The following LBHD2 variants were observed in gnomAD, a reference collection of about 807,000 sequenced individuals.
LBHD2 encodes LBH domain containing 2.
chr14:103,086,710 T>TAA (rs35287691), intron 2 of LBHD2, among the ~76,000 whole-genome samples: 3 of 138,286 alleles, frequency 2.2e-5, no homozygotes, highest in Non-Finnish European at 4.8e-5. Context: ...CTGATGAAAC[T>TAA]AAAAAAAAAA....
intron 2 of LBHD2, 42 bp downstream of exon 2, chr14:103,086,123 C>A (rs1490038028): frequency 1.3e-5 from 5 of 398,618 alleles, no homozygotes; most frequent in Non-Finnish European, 1.8e-5. Context: ...GGGAGCAAGC[C>A]TCAAACTCTG....
chr14:103,086,159 C>G, intron 2 of LBHD2, 78 bp downstream of exon 2: 1 of 398,406 alleles, frequency 2.5e-6, no homozygotes, highest in South Asian at 1.3e-4. Context: ...CATGCCTTGC[C>G]TTGCTGCTGG....
Position 103,084,914 on chromosome 14 carries a change from T to C in LBHD2, c.-38+567T>C, listed in dbSNP as rs570532597. Among the ~76,000 whole-genome samples the C allele has an allele frequency of 2.8e-3, 429 of 152,250 alleles. 2 individuals carry two copies. The highest frequency in any genetic ancestry group is 0.01 in the African/African-American group (421 of 41,534). ...AAGAGGCTTGATGGAGGGCCGGACCTGGGAGCAGTGGGGCACTGAGACATC... is the reference window on the plus strand; with the variant it reads ...AAGAGGCTTGATGGAGGGCCGGACCCGGGAGCAGTGGGGCACTGAGACATC... On this transcript the variant is annotated intron_variant, in intron 1 of 3. Coordinates refer to ENST00000634353, the MANE Select transcript of LBHD2 (RefSeq NM_001330236.2).
At chr14:103,085,677 C>T (rs1889622919) in intron 1 of LBHD2, among the ~76,000 whole-genome samples, 1 of 152,228 alleles carries the variant, frequency 6.6e-6, no homozygotes, top group Non-Finnish European at 1.5e-5. Context: ...TCTGTCCTCC[C>T]AGCTGGCCTA....
intron 2 of LBHD2, 66 bp from the exon 3 acceptor site, chr14:103,088,019 C>T: frequency 2.5e-6 from 1 of 398,488 alleles, no homozygotes; most frequent in Non-Finnish European, 4.4e-6. Context: ...GTGTGCAGGA[C>T]AGGGGTAGGG....
chr14:103,084,644 C>G (rs1889611016), intron 1 of LBHD2, among the ~76,000 whole-genome samples: 1 of 152,206 alleles, frequency 6.6e-6, no homozygotes, highest in Non-Finnish European at 1.5e-5. Flanking sequence ...CTGGCTCAAG[C>G]TGACAGCTCT....
intron 1 of LBHD2, among the ~76,000 whole-genome samples, chr14:103,084,729 C>G (rs185734360): frequency 6.6e-6 from 1 of 152,262 alleles, no homozygotes; most frequent in African/African-American, 2.4e-5. Context: ...CTCTCTCTCT[C>G]TCTCTTCTCC....
At chr14:103,085,455 C>A (rs1031089547) in intron 1 of LBHD2, among the ~76,000 whole-genome samples, 5 of 46,934 alleles carry the variant, frequency 1.1e-4, no homozygotes, top group Non-Finnish European at 2.3e-4. Context: ...CGGCCAAGTG[C>A]AGGGGCAGGA....
intron 1 of LBHD2, 56 bp from the exon 2 acceptor site, chr14:103,085,920 G>A (rs948243924): frequency 3.3e-5 from 13 of 397,880 alleles, no homozygotes; most frequent in Middle Eastern, 6.2e-4. Flanking sequence ...TGAAGCCTTC[G>A]GGGGAGTGTG....
rs954048436 is a variant in LBHD2, at chr14:103,086,003, C to T, written c.-10C>T. On this transcript the variant is annotated 5_prime_UTR_variant, in exon 2 of 4. Coordinates refer to ENST00000634353, the MANE Select transcript of LBHD2 (RefSeq NM_001330236.2). ...CTCGTGCAGCTTAGTGGCGCAGTGG[C>T]GGCAGCAGCATGAGCACCCCCCGGC... 6.3e-5 allele frequency: 25 copies of T among 398,554 alleles called. 1 individual carries two copies. The highest frequency in any genetic ancestry group is 6.2e-4 in the Middle Eastern group (1 of 1,610). The allele number at this position is 398,554 out of a possible 1,614,324, so 24.7% of individuals were successfully genotyped here. A position where few individuals can be genotyped will look rare whatever the true frequency, so the allele number is the denominator to read the frequency against.
At chr14:103,088,473 C>G (rs545710674) in intron 3 of LBHD2, among the ~76,000 whole-genome samples, 1 of 152,274 alleles carries the variant, frequency 6.6e-6, no homozygotes. Context: ...GGTCCCTCAT[C>G]CACTCTCAGC....
At chr14:103,088,553 C>T (rs1247245336) in intron 3 of LBHD2, among the ~76,000 whole-genome samples, 1 of 152,254 alleles carries the variant, frequency 6.6e-6, no homozygotes, top group Non-Finnish European at 1.5e-5. Context: ...CTCGCCCCTC[C>T]TTATCCAGTG....
chr14:103,084,729 C>T (rs185734360), intron 1 of LBHD2, among the ~76,000 whole-genome samples: 1 of 152,144 alleles, frequency 6.6e-6, no homozygotes, highest in Non-Finnish European at 1.5e-5. Flanking sequence ...CTCTCTCTCT[C>T]TCTCTTCTCC....
At position 103,085,463 on chromosome 14, in the gene LBHD2, G is replaced by A. The variant is rs569769727; in HGVS notation, c.-37-513G>A. On this transcript the variant is annotated intron_variant, in intron 1 of 3. Coordinates refer to ENST00000634353, the MANE Select transcript of LBHD2 (RefSeq NM_001330236.2). ...GTGGGTGCGGCCAAGTGCAGGGGCAGGACTTCATTTCCCCCTGGGCTGTGG... is the reference window on the plus strand; with the variant it reads ...GTGGGTGCGGCCAAGTGCAGGGGCAAGACTTCATTTCCCCCTGGGCTGTGG... Among the ~76,000 whole-genome samples, 1,364 of 150,936 alleles carry A rather than the reference G, an allele frequency of 9.0e-3. 25 individuals carry two copies. The highest frequency in any genetic ancestry group is 0.031 in the African/African-American group (1,287 of 41,002).
rs1388853176 is a variant in LBHD2 at position 103,088,141 on chromosome 14, C to T, written c.126C>T (p.Ile42=). ...GPRLGQRLPS[I]VVEPSEADPV... ...GGCTGGGCCAGCGGCTGCCCTCAAT[C>T]GTGGTGGAGCCCAGCGAGGCGGACC... The change falls in exon 3 of 4, where the codon ATC becomes ATT. Residue 42 remains isoleucine, a synonymous_variant. Coordinates refer to ENST00000634353, the MANE Select transcript of LBHD2 (RefSeq NM_001330236.2). The T allele has an allele frequency of 1.8e-5, 7 of 398,602 alleles. No homozygotes were observed. The highest frequency in any genetic ancestry group is 2.7e-5 in the Non-Finnish European group (6 of 226,136). 24.7% of individuals were successfully genotyped at this position (398,602 alleles called of 1,614,324 possible).
At chr14:103,086,371 C>A (rs572468124) in intron 2 of LBHD2, among the ~76,000 whole-genome samples, 1 of 152,272 alleles carries the variant, frequency 6.6e-6, no homozygotes, top group African/African-American at 2.4e-5. Flanking sequence ...ACCACTATGC[C>A]CAGTTAATTT....
chr14:103,087,246 C>T (rs2139446461), intron 2 of LBHD2, among the ~76,000 whole-genome samples: 1 of 152,372 alleles, frequency 6.6e-6, no homozygotes, highest in African/African-American at 2.4e-5. Flanking sequence ...CAGGAATGTG[C>T]ACTGTTCAGG....
At chr14:103,087,468 G>A (rs1018311046) in intron 2 of LBHD2, among the ~76,000 whole-genome samples, 2 of 152,214 alleles carry the variant, frequency 1.3e-5, no homozygotes, top group Non-Finnish European at 2.9e-5. Context: ...CCACCGGGGC[G>A]CTGAGGGACA....
At chr14:103,087,089 T>C (rs1298764876) in intron 2 of LBHD2, among the ~76,000 whole-genome samples, 4 of 152,200 alleles carry the variant, frequency 2.6e-5, no homozygotes, top group Non-Finnish European at 4.4e-5. Context: ...CCTGGGAGGA[T>C]CCAGCCTTTG....
Sources: gnomAD v4.1 joint callset for allele counts (sites outside exome capture counted in the v4.1 genomes callset) on GRCh38, gnomAD v4.1.1 for gene constraint, MANE v1.5 for transcripts, NCBI Gene and HGNC (gene_info 2026-07-23, HGNC 2026-07-21) for gene names.